Variants in DLC1 observed in about 807,000 individuals in gnomAD.
The protein encoded by DLC1 is DLC1 Rho GTPase activating protein.
DLC1 carries 54 observed loss-of-function variants against 140.3 expected under a neutral mutation model. That is an observed-to-expected ratio of 0.38 (90% CI 0.31 to 0.48). The LOEUF (loss-of-function observed/expected upper bound fraction) is 0.48. Ranked by LOEUF, DLC1 falls within the 20% of genes least tolerant of loss-of-function variation. The probability of loss-of-function intolerance (pLI) is 0.96; values close to 1 mark genes in which losing one functional copy is unlikely to be tolerated. For missense variants in DLC1, 2,536 were observed against 1,907.0 expected (o/e 1.33, Z -6.14); for synonymous variants, 986 against 728.1 (o/e 1.35, Z -5.70).
chr8:13,343,765 CAT>C (rs1469829560), intron 4 of DLC1, among the ~76,000 whole-genome samples: 1 of 152,156 alleles, frequency 6.6e-6, no homozygotes, highest in Non-Finnish European at 1.5e-5. Context: ...AAAGCCTAAA[CAT>C]AGTTTTAAGG....
intron 4 of DLC1, among the ~76,000 whole-genome samples, chr8:13,315,232 T>C (rs1421992335): frequency 6.6e-6 from 1 of 152,198 alleles, no homozygotes. Flanking sequence ...ATGAACAAGA[T>C]GGTGAGACCC....
chr8:13,206,851 C>T (rs997595845), intron 5 of DLC1, among the ~76,000 whole-genome samples: 2 of 151,642 alleles, frequency 1.3e-5, no homozygotes, highest in Non-Finnish European at 2.9e-5. Context: ...CAGCACATGA[C>T]TTACTAATTT....
chr8:13,591,748 T>G (rs1805522701), intron 1 of DLC1, among the ~76,000 whole-genome samples: 3 of 152,076 alleles, frequency 2.0e-5, no homozygotes, highest in Non-Finnish European at 1.5e-5. Context: ...CTGACAGAAT[T>G]CATGGATATG....
chr8:13,495,902 C>T (rs1044883425), intron 2 of DLC1, among the ~76,000 whole-genome samples: 6 of 152,052 alleles, frequency 3.9e-5, no homozygotes, highest in African/African-American at 1.4e-4. Context: ...TTGATGTGAT[C>T]TTGACAAAAG....
intron 15 of DLC1, 53 bp from the exon 16 acceptor site, chr8:13,088,757 T>C (rs146619556): frequency 2.6e-6 from 4 of 1,546,924 alleles, no homozygotes; most frequent in Non-Finnish European, 3.5e-6. Context: ...ACACCTAGTT[T>C]TTGAAGTCGA....
At chr8:13,136,648 C>T (rs1032454198) in intron 5 of DLC1, among the ~76,000 whole-genome samples, 1 of 152,188 alleles carries the variant, frequency 6.6e-6, no homozygotes, top group Non-Finnish European at 1.5e-5. Flanking sequence ...GATCCTCTCA[C>T]CTTAGCCTCC....
At position 13,218,929 on chromosome 8, in the gene DLC1, C is replaced by T. The variant is rs368410930; in HGVS notation, c.1348+86340G>A. 7.2e-4 allele frequency among the ~76,000 whole-genome samples: 21 copies of T among 29,292 alleles called. 1 individual carries two copies. Among genetic ancestry groups the T allele is most frequent in the East Asian group, 4.0e-3 (1 of 248 alleles). 19.2% of individuals were successfully genotyped at this position (29,292 alleles called of 152,430 possible). A position where few individuals can be genotyped will look rare whatever the true frequency, so the allele number is the denominator to read the frequency against. On this transcript the variant is annotated intron_variant, in intron 5 of 17. Transcript: ENST00000276297. ...ATACGAATATATAATTATATAATTACGTACGAATATGATTATATAATTATA... is the reference window on the plus strand; with the variant it reads ...ATACGAATATATAATTATATAATTATGTACGAATATGATTATATAATTATA...
At chr8:13,362,929 C>G (rs1288814456) in intron 4 of DLC1, among the ~76,000 whole-genome samples, 10 of 152,182 alleles carry the variant, frequency 6.6e-5, no homozygotes, top group Non-Finnish European at 8.8e-5. Context: ...GACCATCCTA[C>G]CAATGTTACT....
rs1038717148 is a variant in DLC1 at position 13,100,348 on chromosome 8, C to G, written c.1989G>C (p.Lys663Asn). Residue 663 changes from lysine to asparagine, a missense_variant, in exon 9 of 18, where the codon AAG becomes AAC. By Grantham distance (94) the Lys-to-Asn change is moderately conservative. Transcript: ENST00000276297. ...MKGHEKTAKS[K>N]TRSLLKRMES... ...CCATCCGTTTCAGCAGACTGCGCGT[C>G]TTGGACTTGGCAGTTTTTTCGTGGC... 1.2e-6 allele frequency: 2 copies of G among 1,614,086 alleles called. No individual in the cohort carries two copies. Among genetic ancestry groups the G allele is most frequent in the African/African-American group, 2.7e-5 (2 of 74,932 alleles).
intron 1 of DLC1, among the ~76,000 whole-genome samples, chr8:13,551,315 G>T (rs1301510409): frequency 6.6e-6 from 1 of 151,758 alleles, no homozygotes; most frequent in African/African-American, 2.4e-5. Context: ...CATATCTCTG[G>T]GAGTACATAA....
chr8:13,337,377 T>C (rs537428353), intron 4 of DLC1, among the ~76,000 whole-genome samples: 38 of 152,202 alleles, frequency 2.5e-4, no homozygotes, highest in Non-Finnish European at 4.1e-4. Context: ...TAATTAAGGA[T>C]GAATTTACTA....
chr8:13,490,096 C>G (rs1190820157), intron 2 of DLC1, among the ~76,000 whole-genome samples: 2 of 152,104 alleles, frequency 1.3e-5, no homozygotes, highest in African/African-American at 4.8e-5. Flanking sequence ...ACAGCTTACT[C>G]CCTTGGCTGG....
intron 4 of DLC1, among the ~76,000 whole-genome samples, chr8:13,359,624 G>A (rs113883287): frequency 4.9e-4 from 74 of 152,176 alleles, no homozygotes; most frequent in Middle Eastern, 3.4e-3. Context: ...CAATCATAAG[G>A]GTAGTTTCAT....
At chr8:13,432,230 C>T (rs7008883) in intron 2 of DLC1, among the ~76,000 whole-genome samples, 3,332 of 152,180 alleles carry the variant, frequency 0.022, 106 homozygotes, top group African/African-American at 0.073. Flanking sequence ...TAACTATAGG[C>T]AACTTCAGAA....
At chr8:13,407,024 A>T (rs1383598065) in intron 2 of DLC1, among the ~76,000 whole-genome samples, 1 of 152,206 alleles carries the variant, frequency 6.6e-6, no homozygotes, top group Non-Finnish European at 1.5e-5. Flanking sequence ...TAGATAATAT[A>T]TGTAGCTGCT....
chr8:13,440,016 T>G (rs1798421889), intron 2 of DLC1, among the ~76,000 whole-genome samples: 1 of 152,186 alleles, frequency 6.6e-6, no homozygotes, highest in South Asian at 2.1e-4. Flanking sequence ...CACTGAACAT[T>G]CAATCTGTGA....
chr8:13,130,912 A>G (rs1269457957), intron 5 of DLC1, among the ~76,000 whole-genome samples: 1 of 152,214 alleles, frequency 6.6e-6, no homozygotes, highest in Admixed American at 6.5e-5. Context: ...CTTCATTTTA[A>G]ACTCTGAACA....
At chr8:13,205,557 GA>G in intron 5 of DLC1, among the ~76,000 whole-genome samples, 1 of 152,070 alleles carries the variant, frequency 6.6e-6, no homozygotes, top group Admixed American at 6.6e-5. Flanking sequence ...GGAAGAAGAA[GA>G]ATTGTCTTGG....
chr8:13,103,200 A>C lies in DLC1; in HGVS notation c.1503-347T>G, dbSNP rs185780769. Among the ~76,000 whole-genome samples the C allele has an allele frequency of 1.0e-3, 152 of 152,016 alleles. 1 individual carries two copies. Among genetic ancestry groups the C allele is most frequent in the Middle Eastern group, 3.4e-3 (1 of 294 alleles). On this transcript the variant is annotated intron_variant, in intron 7 of 17. Coordinates refer to ENST00000276297, the MANE Select transcript of DLC1 (RefSeq NM_182643.3). Reference sequence around the variant, plus strand: ...GTGGTGGGCGCCTGTAGTCCCAGCTACTCAGGAGGCTGAGGCAGGAGAATG... The same window carrying C: ...GTGGTGGGCGCCTGTAGTCCCAGCTCCTCAGGAGGCTGAGGCAGGAGAATG...
Sources: gnomAD v4.1 joint callset for allele counts (sites outside exome capture counted in the v4.1 genomes callset) on GRCh38, gnomAD v4.1.1 for gene constraint, MANE v1.5 for transcripts, NCBI Gene and HGNC (gene_info 2026-07-23, HGNC 2026-07-21) for gene names.